ERC2: variants seen among roughly 807,000 people sequenced by gnomAD.
ERC2 encodes ERC protein 2.
ERC2 carries 42 observed loss-of-function variants against 114.8 expected under a neutral mutation model. The observed-to-expected ratio is 0.37, with a 90% CI of 0.29 to 0.47. The LOEUF is 0.47. Ranked by LOEUF, ERC2 falls within the 20% of genes least tolerant of loss-of-function variation. The pLI is 0.99. For missense variants in ERC2, 939 were observed against 1,150.7 expected (o/e 0.82, Z 2.66); for synonymous variants, 454 against 425.5 (o/e 1.07, Z -0.82).
intron 6 of ERC2, among the ~76,000 whole-genome samples, chr3:56,136,893 A>G (rs2080539684): frequency 6.6e-6 from 1 of 152,230 alleles, no homozygotes; most frequent in Admixed American, 6.5e-5. Flanking sequence ...TCAAAGCAGA[A>G]GACTTAGAAA....
At position 56,399,766 on chromosome 3, in the gene ERC2, G is replaced by GAA. The variant is rs59190537; in HGVS notation, c.657+34583_657+34584dup. Among the ~76,000 whole-genome samples the GAA allele has an allele frequency of 3.8e-4, 57 of 150,026 alleles. 1 individual carries two copies. The highest frequency in any genetic ancestry group is 9.3e-4 in the Admixed American group (14 of 15,060). ...AAAATTTAGCACAAACCTCTCCCAT[G>GAA]AAAAAAAAAGGAACTTGGTTTTTAT... On this transcript the variant is annotated intron_variant, in intron 2 of 17. Coordinates refer to ENST00000288221, the MANE Select transcript of ERC2 (RefSeq NM_015576.3).
At chr3:55,999,829 A>T (rs1290288832) in intron 10 of ERC2, among the ~76,000 whole-genome samples, 1 of 151,690 alleles carries the variant, frequency 6.6e-6, no homozygotes, top group South Asian at 2.1e-4. Context: ...AAATATATTT[A>T]AAATTAAAAT....
intron 2 of ERC2, among the ~76,000 whole-genome samples, chr3:56,352,632 T>C (rs73832602): frequency 0.02 from 3,008 of 152,304 alleles, 104 homozygotes; most frequent in African/African-American, 0.066. Flanking sequence ...CACAAATATT[T>C]ATTTCAGTTT....
rs2081290634 is a variant in ERC2, at chr3:56,149,100, T to G, written c.1182A>C (p.Ile394=). 5 of 1,612,060 alleles carry G rather than the reference T, an allele frequency of 3.1e-6. No homozygotes were observed. Among genetic ancestry groups the G allele is most frequent in the Non-Finnish European group, 4.2e-6 (5 of 1,178,910 alleles). ...DTKIASLERN[I]RDLEDEIQML... ...TCTGGATCTCATCCTCAAGATCCCT[T>G]ATGTTTCGTTCCAATGAAGCGATTT... The change falls in exon 5 of 18, where the codon ATA becomes ATC. Residue 394 remains isoleucine (I), a synonymous_variant. Transcript: ENST00000288221.
At chr3:55,585,975 C>G (rs765363868) in intron 17 of ERC2, among the ~76,000 whole-genome samples, 4 of 152,212 alleles carry the variant, frequency 2.6e-5, no homozygotes, top group Non-Finnish European at 5.9e-5. Context: ...TTCCCTTAGC[C>G]TGCAGCCACA....
At chr3:56,368,706 T>C (rs911674754) in intron 2 of ERC2, among the ~76,000 whole-genome samples, 4 of 152,082 alleles carry the variant, frequency 2.6e-5, no homozygotes, top group Non-Finnish European at 4.4e-5. Context: ...TGGCAAAATA[T>C]TACAACGGAA....
chr3:55,764,796 G>C (rs2067666137), intron 14 of ERC2, among the ~76,000 whole-genome samples: 1 of 152,148 alleles, frequency 6.6e-6, no homozygotes, highest in Admixed American at 6.6e-5. Flanking sequence ...GCTAAATATA[G>C]AGACATGGGG....
At chr3:56,004,359 A>T (rs536922104) in intron 10 of ERC2, among the ~76,000 whole-genome samples, 1 of 152,190 alleles carries the variant, frequency 6.6e-6, no homozygotes, top group South Asian at 2.1e-4. Context: ...TTTGGTTAGT[A>T]TCATTTTATC....
At chr3:55,749,784 T>C in intron 14 of ERC2, among the ~76,000 whole-genome samples, 1 of 152,130 alleles carries the variant, frequency 6.6e-6, no homozygotes, top group South Asian at 2.1e-4. Flanking sequence ...TGTGGAAGCT[T>C]TGTCCCTTCA....
At chr3:55,991,306 T>C (rs1211535721) in intron 11 of ERC2, among the ~76,000 whole-genome samples, 3 of 152,182 alleles carry the variant, frequency 2.0e-5, no homozygotes, top group African/African-American at 4.8e-5. Context: ...GCTGAACCAA[T>C]AAGAAATCTG....
chr3:56,028,855 G>T (rs1211148329), intron 7 of ERC2, among the ~76,000 whole-genome samples: 1 of 152,010 alleles, frequency 6.6e-6, no homozygotes, highest in African/African-American at 2.4e-5. Context: ...TACCAATAGT[G>T]AGAATAGGCA....
chr3:55,529,100 G>C (rs1000388921), intron 17 of ERC2, among the ~76,000 whole-genome samples: 4 of 152,290 alleles, frequency 2.6e-5, no homozygotes, highest in African/African-American at 9.6e-5. Flanking sequence ...GGAGATGGGA[G>C]TCCCCAGGCC....
intron 17 of ERC2, among the ~76,000 whole-genome samples, chr3:55,619,549 G>A (rs1238076640): frequency 6.6e-6 from 1 of 152,102 alleles, no homozygotes; most frequent in Non-Finnish European, 1.5e-5. Context: ...AGGTTTAAGG[G>A]TATGAAAGTG....
intron 14 of ERC2, among the ~76,000 whole-genome samples, chr3:55,757,902 GA>G (rs1267974680): frequency 4.0e-5 from 6 of 150,996 alleles, no homozygotes; most frequent in East Asian, 1.9e-4. Context: ...ATTCCTCTTG[GA>G]AAAAAAATTC....
intron 2 of ERC2, among the ~76,000 whole-genome samples, chr3:56,423,868 T>G (rs1449620369): frequency 6.6e-6 from 1 of 152,222 alleles, no homozygotes; most frequent in African/African-American, 2.4e-5. Context: ...GATTTACAAT[T>G]TTCTATGTTC....
chr3:55,548,234 C>G (rs1215153247), intron 17 of ERC2, among the ~76,000 whole-genome samples: 4 of 152,246 alleles, frequency 2.6e-5, no homozygotes, highest in Admixed American at 2.6e-4. Flanking sequence ...CCAAAACATG[C>G]CACATGGGCA....
At chr3:56,430,321 G>A (rs2061739167) in intron 2 of ERC2, among the ~76,000 whole-genome samples, 1 of 152,062 alleles carries the variant, frequency 6.6e-6, no homozygotes, top group Non-Finnish European at 1.5e-5. Context: ...TTAAGTTATG[G>A]TAAATGGTGA....
At chr3:55,910,184 G>C (rs1040974449) in intron 13 of ERC2, among the ~76,000 whole-genome samples, 1 of 152,130 alleles carries the variant, frequency 6.6e-6, no homozygotes, top group African/African-American at 2.4e-5. Flanking sequence ...GAAGCCAAGA[G>C]TTGGAGACCA....
chr3:56,354,749 T>A (rs1221989168), intron 2 of ERC2, among the ~76,000 whole-genome samples: 1 of 152,194 alleles, frequency 6.6e-6, no homozygotes, highest in Non-Finnish European at 1.5e-5. Context: ...CTTTTTGAAT[T>A]GAAATTTATT....
Sources: allele counts gnomAD v4.1 joint callset (sites outside exome capture counted in the v4.1 genomes callset), GRCh38; gene constraint gnomAD v4.1.1; transcripts MANE v1.5; gene names NCBI Gene and HGNC (gene_info 2026-07-23, HGNC 2026-07-21).